CAST: variants seen among roughly 807,000 people sequenced by gnomAD.
CAST encodes the protein calpastatin.
Under a neutral mutation model 119.6 loss-of-function variants are expected in CAST, and 76 were observed. The ratio of observed to expected loss-of-function variants is 0.64; its 90% CI spans 0.53 to 0.77. The LOEUF (loss-of-function observed/expected upper bound fraction) is 0.77, where lower values mean the gene tolerates loss of function less well. Among genes scored for constraint, CAST ranks in the 30% least tolerant of loss-of-function variants. The pLI is 0.00. For synonymous variants in CAST, 319 were observed against 331.6 expected, an observed-to-expected ratio of 0.96 and a Z score of 0.41; for missense variants, 953 against 946.5, an observed-to-expected ratio of 1.01 and a Z score of -0.09.
chr5:96,304,568 T>G, the CAST span, among the ~76,000 whole-genome samples: 2 of 152,178 alleles, frequency 1.3e-5, no homozygotes, highest in Admixed American at 6.5e-5. Flanking sequence ...TCTTCTAGGG[T>G]TTTTATGGTT....
chr5:96,579,255 C>T (rs1157412780), intron 1 of CAST, among the ~76,000 whole-genome samples: 1 of 152,170 alleles, frequency 6.6e-6, no homozygotes, highest in Non-Finnish European at 1.5e-5. Flanking sequence ...TGCCCCAGTG[C>T]TGCCCTGGTG....
intron 1 of CAST, among the ~76,000 whole-genome samples, chr5:96,552,159 T>C (rs182205267): frequency 6.6e-6 from 1 of 152,272 alleles, no homozygotes; most frequent in Non-Finnish European, 1.5e-5. Flanking sequence ...ATTGACCACA[T>C]AATTGGAAGT....
At chr5:96,014,143 CAT>C in the CAST span, among the ~76,000 whole-genome samples, 2 of 134,534 alleles carry the variant, frequency 1.5e-5, no homozygotes, top group African/African-American at 6.0e-5. Flanking sequence ...TTTTTGTATT[CAT>C]TTTTTTTTTT....
the CAST span, among the ~76,000 whole-genome samples, chr5:96,506,601 G>A: frequency 3.3e-5 from 5 of 152,128 alleles, no homozygotes; most frequent in African/African-American, 1.2e-4. Flanking sequence ...GGGAGAGGAA[G>A]GGAAAGAGCT....
At chr5:96,269,755 A>G in the CAST span, among the ~76,000 whole-genome samples, 1 of 152,216 alleles carries the variant, frequency 6.6e-6, no homozygotes, top group Non-Finnish European at 1.5e-5. Flanking sequence ...CAAAGCTGTA[A>G]TAAAAAGTAT....
At chr5:96,498,323 T>C in the CAST span, among the ~76,000 whole-genome samples, 5 of 152,214 alleles carry the variant, frequency 3.3e-5, no homozygotes, top group Non-Finnish European at 7.3e-5. Context: ...TCTTTTGGCT[T>C]AGGATTGACT....
the CAST span, among the ~76,000 whole-genome samples, chr5:96,240,027 T>G: frequency 1.3e-5 from 2 of 152,220 alleles, no homozygotes; most frequent in Admixed American, 1.3e-4. Context: ...ACATGAAGCA[T>G]AAGTTTCTAA....
the CAST span, among the ~76,000 whole-genome samples, chr5:96,291,603 C>T: frequency 6.6e-6 from 1 of 152,098 alleles, no homozygotes; most frequent in African/African-American, 2.4e-5. Flanking sequence ...ATTCATTTCT[C>T]TCTCTTAATT....
the CAST span, among the ~76,000 whole-genome samples, chr5:96,514,561 T>A: frequency 6.6e-6 from 1 of 152,106 alleles, no homozygotes; most frequent in Admixed American, 6.6e-5. Flanking sequence ...ATACTCAAAT[T>A]TAATCATTTC....
chr5:96,174,925 A>G, the CAST span, among the ~76,000 whole-genome samples: 1 of 152,138 alleles, frequency 6.6e-6, no homozygotes, highest in East Asian at 1.9e-4. Flanking sequence ...ATCTTTTTGT[A>G]TTCATTTCAG....
chr5:96,437,678 C>G, the CAST span, among the ~76,000 whole-genome samples: 1 of 152,152 alleles, frequency 6.6e-6, no homozygotes, highest in East Asian at 1.9e-4. Flanking sequence ...GAAATGCAGA[C>G]CCTCAGCCCC....
the CAST span, among the ~76,000 whole-genome samples, chr5:96,119,767 G>T: frequency 6.6e-6 from 1 of 152,150 alleles, no homozygotes; most frequent in Non-Finnish European, 1.5e-5. Context: ...AGAGGAAGGT[G>T]TAGTAGATAT....
chr5:96,097,859 G>T, the CAST span, among the ~76,000 whole-genome samples: 1 of 152,034 alleles, frequency 6.6e-6, no homozygotes, highest in Admixed American at 6.5e-5. Context: ...TAATGGGATT[G>T]CTGGGCCAAA....
At chr5:96,169,320 C>A in the CAST span, among the ~76,000 whole-genome samples, 148 of 152,040 alleles carry the variant, frequency 9.7e-4, no homozygotes, top group African/African-American at 3.3e-3. Context: ...CAACTGAAAG[C>A]GAAGAGAGGC....
chr5:96,461,907 A>G, the CAST span, among the ~76,000 whole-genome samples: 86 of 152,276 alleles, frequency 5.6e-4, no homozygotes, highest in African/African-American at 1.9e-3. Context: ...GAGCATGACC[A>G]ACGCTGACTG....
chr5:96,542,953 A>G (rs1158798153), intron 1 of CAST, among the ~76,000 whole-genome samples: 3 of 152,248 alleles, frequency 2.0e-5, no homozygotes, highest in Non-Finnish European at 2.9e-5. Context: ...AATTAGTTCA[A>G]CCATTGTGGA....
chr5:96,269,766 C>T, the CAST span, among the ~76,000 whole-genome samples: 15 of 152,172 alleles, frequency 9.9e-5, no homozygotes, highest in South Asian at 4.1e-4. Context: ...TAAAAAGTAT[C>T]GCATCAAAGA....
chr5:96,261,424 AC>A, the CAST span, among the ~76,000 whole-genome samples: 55 of 151,884 alleles, frequency 3.6e-4, no homozygotes, highest in African/African-American at 1.3e-3. Flanking sequence ...CCATGCTATT[AC>A]CCCCCCATCC....
chr5:96,068,158 T>A, the CAST span, among the ~76,000 whole-genome samples: 1 of 152,158 alleles, frequency 6.6e-6, no homozygotes, highest in African/African-American at 2.4e-5. Flanking sequence ...TTGATAACGA[T>A]CCTGTCATCA....
Sources: gnomAD v4.1 joint callset for allele counts (sites outside exome capture counted in the v4.1 genomes callset) on GRCh38, gnomAD v4.1.1 for gene constraint, MANE v1.5 for transcripts, NCBI Gene and HGNC (gene_info 2026-07-23, HGNC 2026-07-21) for gene names.